The following FRK variants were observed in gnomAD, a reference collection of about 807,000 sequenced individuals.
FRK encodes the protein tyrosine-protein kinase FRK.
Under a neutral mutation model 56.4 loss-of-function variants are expected in FRK, and 51 were observed. That is an observed-to-expected ratio of 0.90 (90% confidence interval 0.72 to 1.14). The LOEUF (loss-of-function observed/expected upper bound fraction) is 1.14. Among genes scored for constraint, FRK ranks in the 50% most tolerant of loss-of-function variants. FRK has a pLI of 0.00. For synonymous variants in FRK, 245 were observed against 217.9 expected (o/e 1.12, Z -1.10); for missense variants, 570 against 601.4 (o/e 0.95, Z 0.55).
intron 2 of FRK, among the ~76,000 whole-genome samples, chr6:115,996,845 A>G (rs1774859856): frequency 1.3e-5 from 2 of 152,192 alleles, no homozygotes; most frequent in African/African-American, 2.4e-5. Context: ...AAATTTAAAT[A>G]AGTCTTTTAA....
At chr6:116,023,929 C>T (rs1017073336) in intron 1 of FRK, among the ~76,000 whole-genome samples, 3 of 151,474 alleles carry the variant, frequency 2.0e-5, no homozygotes, top group African/African-American at 7.3e-5. Flanking sequence ...TTTTATAGCC[C>T]TAACATTTTC....
intron 4 of FRK, among the ~76,000 whole-genome samples, chr6:115,957,828 A>C (rs1238810600): frequency 1.3e-5 from 2 of 152,202 alleles, no homozygotes; most frequent in Non-Finnish European, 2.9e-5. Flanking sequence ...AAACCTCTCT[A>C]AACTTCAGTT....
At chr6:116,011,484 AC>A (rs1327507628) in intron 1 of FRK, among the ~76,000 whole-genome samples, 7 of 152,090 alleles carry the variant, frequency 4.6e-5, no homozygotes, top group South Asian at 2.1e-4. Flanking sequence ...AAAAAAAAAA[AC>A]ATCCTTCCAG....
chr6:116,072,082 G>A, the FRK span, among the ~76,000 whole-genome samples: 1 of 152,244 alleles, frequency 6.6e-6, no homozygotes, highest in East Asian at 1.9e-4. Context: ...GAAACTACTA[G>A]AGCATTAGAT....
intron 4 of FRK, among the ~76,000 whole-genome samples, chr6:115,960,101 G>C (rs922726021): frequency 9.2e-5 from 14 of 152,218 alleles, no homozygotes; most frequent in African/African-American, 3.4e-4. Context: ...CGACGCAGAA[G>C]ACGGGTGATT....
chr6:115,977,049 A>G (rs186596835), intron 2 of FRK, among the ~76,000 whole-genome samples: 212 of 152,226 alleles, frequency 1.4e-3, no homozygotes, highest in African/African-American at 4.9e-3. Flanking sequence ...TTGTTTTTAG[A>G]TTTGTTTATA....
intron 1 of FRK, among the ~76,000 whole-genome samples, chr6:116,016,630 G>C (rs1416233065): frequency 6.6e-6 from 1 of 152,040 alleles, no homozygotes; most frequent in Admixed American, 6.6e-5. Flanking sequence ...TGCTTTGGGG[G>C]GATTAAAATG....
intron 1 of FRK, among the ~76,000 whole-genome samples, chr6:116,041,969 A>G (rs1280688125): frequency 1.3e-5 from 2 of 152,168 alleles, no homozygotes; most frequent in Admixed American, 1.3e-4. Context: ...TCGCACCCCC[A>G]CGGAGCCCAG....
At chr6:115,978,506 C>T (rs1009534521) in intron 2 of FRK, among the ~76,000 whole-genome samples, 4 of 152,074 alleles carry the variant, frequency 2.6e-5, no homozygotes, top group East Asian at 1.9e-4. Context: ...GCCTTTCTAG[C>T]GCTCACAGTA....
intron 1 of FRK, among the ~76,000 whole-genome samples, chr6:116,016,281 C>T (rs533594799): frequency 4.5e-4 from 68 of 152,260 alleles, no homozygotes; most frequent in African/African-American, 1.6e-3. Context: ...TACAGCAGAG[C>T]ACAATCTCTA....
rs1747003094 is a variant in FRK, at chr6:115,936,936, G to C, written c.*5478C>G. The C allele has an allele frequency of 6.6e-6, 1 of 152,172 alleles. No homozygotes were observed. The highest frequency in any genetic ancestry group is 2.4e-5 in the African/African-American group (1 of 41,448). 9.4% of individuals were successfully genotyped at this position (152,172 alleles called of 1,614,324 possible). ...TATCCAGGAGAACATCCCCAACCTA[G>C]CAAGACAGGTCAACATTCAAATTAA... On this transcript the variant is annotated 3_prime_UTR_variant, in exon 8 of 8. Coordinates refer to ENST00000606080, the MANE Select transcript of FRK (RefSeq NM_002031.3).
At chr6:115,944,715 T>A (rs555002570) in intron 5 of FRK, among the ~76,000 whole-genome samples, 1 of 152,266 alleles carries the variant, frequency 6.6e-6, no homozygotes, top group Admixed American at 6.5e-5. Context: ...TTTTCTTTTT[T>A]AAAAAATTTA....
the FRK span, among the ~76,000 whole-genome samples, chr6:116,089,432 T>C: frequency 2.6e-5 from 4 of 152,326 alleles, no homozygotes; most frequent in East Asian, 7.7e-4. Context: ...AATGCTGTAT[T>C]AGTTTGCTAG....
intron 1 of FRK, among the ~76,000 whole-genome samples, chr6:116,035,745 T>G (rs998070789): frequency 1.3e-5 from 2 of 152,102 alleles, no homozygotes; most frequent in Non-Finnish European, 2.9e-5. Context: ...TAATCACTAC[T>G]GCACTCACTT....
At chr6:116,046,901 G>T (rs1776986025) in intron 1 of FRK, among the ~76,000 whole-genome samples, 1 of 151,800 alleles carries the variant, frequency 6.6e-6, no homozygotes. Context: ...TAGATTCAAG[G>T]TTTATAATTA....
intron 1 of FRK, among the ~76,000 whole-genome samples, chr6:116,017,111 T>G (rs903174604): frequency 6.6e-6 from 1 of 152,134 alleles, no homozygotes; most frequent in East Asian, 1.9e-4. Flanking sequence ...ATTACAAGCT[T>G]ACTCCTCAGA....
intron 1 of FRK, among the ~76,000 whole-genome samples, chr6:116,042,378 GCAGAT>G (rs1776756489): frequency 6.6e-6 from 1 of 152,202 alleles, no homozygotes; most frequent in South Asian, 2.1e-4. Context: ...TAGACTAGCA[GCAGAT>G]CTCTCTGCAA....
upstream of FRK, among the ~76,000 whole-genome samples, chr6:116,061,323 C>A (rs1157749545): frequency 1.3e-5 from 2 of 151,846 alleles, no homozygotes; most frequent in African/African-American, 4.8e-5. Context: ...AAGCAGCTGA[C>A]TAAAATGCTG....
intron 1 of FRK, among the ~76,000 whole-genome samples, chr6:116,054,291 T>G (rs1777290533): frequency 6.7e-6 from 1 of 150,170 alleles, no homozygotes; most frequent in Non-Finnish European, 1.5e-5. Context: ...CTAATTAATC[T>G]CATGGCATTT....
Sources: allele counts gnomAD v4.1 joint callset (sites outside exome capture counted in the v4.1 genomes callset), GRCh38; gene constraint gnomAD v4.1.1; transcripts MANE v1.5; gene names NCBI Gene and HGNC (gene_info 2026-07-23, HGNC 2026-07-21).